CAMK2B: variants seen among roughly 807,000 people sequenced by gnomAD.
CAMK2B encodes calcium/calmodulin dependent protein kinase II beta.
In CAMK2B, 27 loss-of-function variants were observed where a neutral mutation model predicts 93.7. The ratio of observed to expected loss-of-function variants is 0.29; its 90% CI spans 0.21 to 0.40. CAMK2B has a LOEUF of 0.40. CAMK2B is among the 10% of genes least tolerant of loss of function. CAMK2B has a pLI of 1.00. For synonymous variants in CAMK2B, 374 were observed against 358.8 expected (o/e 1.04, Z -0.48); for missense variants, 568 against 895.8 (o/e 0.63, Z 4.67).
chr7:44,260,602 C>T (rs1048232615), intron 3 of CAMK2B, among the ~76,000 whole-genome samples: 10 of 152,146 alleles, frequency 6.6e-5, no homozygotes, highest in Non-Finnish European at 7.4e-5. Context: ...ACAGGGTGGC[C>T]GTGAAGATCA....
At chr7:44,228,695 G>C in intron 19 of CAMK2B, 101 bp downstream of exon 19, 1 of 1,160,628 alleles carries the variant, frequency 8.6e-7, no homozygotes, top group Non-Finnish European at 1.1e-6. Context: ...GCCGGGGCAG[G>C]GTAGCTGGGC....
intron 6 of CAMK2B, among the ~76,000 whole-genome samples, chr7:44,244,451 C>T (rs1316212842): frequency 2.0e-5 from 3 of 151,872 alleles, no homozygotes; most frequent in Non-Finnish European, 2.9e-5. Flanking sequence ...GGTCTCTTGG[C>T]TGCAGGCCTT....
At chr7:44,278,675 T>G (rs1040185293) in intron 2 of CAMK2B, among the ~76,000 whole-genome samples, 4 of 152,280 alleles carry the variant, frequency 2.6e-5, no homozygotes, top group Non-Finnish European at 5.9e-5. Context: ...GTGCCAAGCA[T>G]CCTTCCTCTA....
chr7:44,240,671 G>A (rs930232566), intron 12 of CAMK2B, 36 bp downstream of exon 12: 5 of 1,610,866 alleles, frequency 3.1e-6, no homozygotes, highest in Non-Finnish European at 4.2e-6. Flanking sequence ...AGCAGGGAGG[G>A]GGCAGCGCCT....
At chr7:44,278,442 G>A (rs2097070741) in intron 2 of CAMK2B, among the ~76,000 whole-genome samples, 1 of 152,174 alleles carries the variant, frequency 6.6e-6, no homozygotes, top group Non-Finnish European at 1.5e-5. Flanking sequence ...ACCTGGAGGT[G>A]CGTGTCCCAC....
intron 17 of CAMK2B, chr7:44,230,416 G>A (rs541591351): frequency 5.2e-5 from 8 of 153,370 alleles, no homozygotes; most frequent in African/African-American, 1.9e-4. Flanking sequence ...GAGGCCCCAT[G>A]TGGGTGGTCT....
intron 5 of CAMK2B, among the ~76,000 whole-genome samples, chr7:44,251,788 T>G (rs2096783059): frequency 6.6e-6 from 1 of 152,124 alleles, no homozygotes; most frequent in Non-Finnish European, 1.5e-5. Flanking sequence ...TGAGAGGAGA[T>G]GGGGAGACCT....
intron 5 of CAMK2B, among the ~76,000 whole-genome samples, chr7:44,253,951 G>A (rs985756365): frequency 6.6e-6 from 1 of 151,510 alleles, no homozygotes; most frequent in Non-Finnish European, 1.5e-5. Flanking sequence ...AGAGCAGGGT[G>A]GGCAGAGCCC....
intron 15 of CAMK2B, among the ~76,000 whole-genome samples, chr7:44,233,311 G>C (rs2096597155): frequency 6.6e-6 from 1 of 152,118 alleles, no homozygotes; most frequent in South Asian, 2.1e-4. Context: ...GTCCGAGATG[G>C]GGCTGGCTGT....
intron 4 of CAMK2B, among the ~76,000 whole-genome samples, chr7:44,256,708 G>T (rs4526269): frequency 0.28 from 43,272 of 152,200 alleles, 7,465 homozygotes; most frequent in Non-Finnish European, 0.39. Flanking sequence ...AAGGCCTTAC[G>T]GTCTTGAGCC....
chr7:44,265,847 C>T (rs1224147741), intron 2 of CAMK2B, among the ~76,000 whole-genome samples: 1 of 152,114 alleles, frequency 6.6e-6, no homozygotes, highest in Non-Finnish European at 1.5e-5. Flanking sequence ...CTCCCAGCAG[C>T]TGCAGTAAGT....
At chr7:44,253,164 T>C (rs917308838) in intron 5 of CAMK2B, among the ~76,000 whole-genome samples, 11 of 152,118 alleles carry the variant, frequency 7.2e-5, no homozygotes, top group African/African-American at 2.2e-4. Flanking sequence ...TTCATTTTTC[T>C]GGATCAGAAA....
intron 2 of CAMK2B, among the ~76,000 whole-genome samples, chr7:44,283,372 C>A (rs983803848): frequency 1.3e-5 from 2 of 152,252 alleles, no homozygotes; most frequent in Non-Finnish European, 2.9e-5. Context: ...AGGGCAGGAG[C>A]CTGTCTGCTC....
intron 1 of CAMK2B, among the ~76,000 whole-genome samples, chr7:44,284,443 C>T (rs954167109): frequency 6.6e-6 from 1 of 152,274 alleles, no homozygotes; most frequent in African/African-American, 2.4e-5. Flanking sequence ...CAGAGGCCGG[C>T]TTCCCGACGG....
At chr7:44,294,962 T>A (rs539619943) in intron 1 of CAMK2B, among the ~76,000 whole-genome samples, 37 of 152,238 alleles carry the variant, frequency 2.4e-4, no homozygotes, top group Admixed American at 1.8e-3. Context: ...ATGTGGAAAG[T>A]CAAGGGAAGA....
At chr7:44,300,056 GTGTA>G (rs1301607838) in intron 1 of CAMK2B, among the ~76,000 whole-genome samples, 1 of 150,318 alleles carries the variant, frequency 6.7e-6, no homozygotes, top group Admixed American at 6.6e-5. Context: ...GTGTGTGTGT[GTGTA>G]TGTAGTTGTT....
chr7:44,248,634 G>C lies in CAMK2B; in HGVS notation c.342-1442C>G, dbSNP rs954321708. On this transcript the variant is annotated intron_variant, in intron 5 of 23. Transcript: ENST00000395749. The surrounding 1 kb of genome is among the most constrained non-coding windows in gnomAD (Gnocchi z 4.1). Reference sequence around the variant, plus strand: ...TCCTTGGGGACAGGAGGGTGACCAGGGTCAGCAAGATGAGTGGGCTTTGTT... The same window carrying C: ...TCCTTGGGGACAGGAGGGTGACCAGCGTCAGCAAGATGAGTGGGCTTTGTT... Among the ~76,000 whole-genome samples the C allele has an allele frequency of 6.6e-6, 1 of 152,178 alleles. No homozygotes were observed. The highest frequency in any genetic ancestry group is 1.5e-5 in the Non-Finnish European group (1 of 68,028).
At chr7:44,277,139 T>C (rs757240299) in intron 2 of CAMK2B, among the ~76,000 whole-genome samples, 1 of 151,802 alleles carries the variant, frequency 6.6e-6, no homozygotes, top group Non-Finnish European at 1.5e-5. Context: ...CCGTTCATTG[T>C]GGACAATGAG....
At chr7:44,262,922 A>G in intron 3 of CAMK2B, 83 bp downstream of exon 3, 2 of 1,223,926 alleles carry the variant, frequency 1.6e-6, no homozygotes, top group Non-Finnish European at 2.3e-6. Context: ...CATCTCTTTG[A>G]AAGTCTGATA....
Sources: gnomAD v4.1 joint callset for allele counts (sites outside exome capture counted in the v4.1 genomes callset) on GRCh38, gnomAD v4.1.1 for gene constraint, Gnocchi (gnomAD v3.1) non-coding constraint, MANE v1.5 for transcripts, NCBI Gene and HGNC (gene_info 2026-07-23, HGNC 2026-07-21) for gene names.